The following PTK2 variants were observed in gnomAD, a reference collection of about 807,000 sequenced individuals.
PTK2 encodes protein tyrosine kinase 2, also known as focal adhesion kinase 1.
In PTK2, 45 loss-of-function variants were observed where a neutral mutation model predicts 150.1. The ratio of observed to expected loss-of-function variants is 0.30; its 90% confidence interval spans 0.24 to 0.38. The LOEUF (loss-of-function observed/expected upper bound fraction) is 0.38. Ranked by LOEUF, PTK2 falls within the 10% of genes least tolerant of loss-of-function variation. The pLI, the probability that PTK2 is intolerant of heterozygous loss-of-function variation, is 1.00. For synonymous variants in PTK2, 432 were observed against 449.2 expected (o/e 0.96, Z 0.48); for missense variants, 919 against 1,307.3 (o/e 0.70, Z 4.58).
chr8:140,965,979 A>G (rs752242150), intron 1 of PTK2, among the ~76,000 whole-genome samples: 2 of 152,228 alleles, frequency 1.3e-5, no homozygotes, highest in Non-Finnish European at 2.9e-5. Context: ...TTAAAACCAA[A>G]GTAAAGGTCA....
chr8:140,717,932 AG>A (rs1483353096), intron 22 of PTK2: 3 of 417,348 alleles, frequency 7.2e-6, no homozygotes, highest in African/African-American at 2.0e-5. Context: ...GCACAGCCAT[AG>A]GTAAGAAAAA....
chr8:140,753,439 T>C (rs778165197), intron 16 of PTK2, among the ~76,000 whole-genome samples: 2 of 152,092 alleles, frequency 1.3e-5, no homozygotes, highest in Non-Finnish European at 2.9e-5. Context: ...GTGACTGGCG[T>C]TCAAGAAAGA....
intron 22 of PTK2, among the ~76,000 whole-genome samples, chr8:140,726,092 A>T (rs1420405717): frequency 4.6e-5 from 7 of 152,210 alleles, no homozygotes; most frequent in African/African-American, 1.7e-4. Flanking sequence ...ATATGAAATA[A>T]AATCTCCATT....
At chr8:140,950,450 C>T (rs2100179200) in intron 1 of PTK2, among the ~76,000 whole-genome samples, 1 of 152,252 alleles carries the variant, frequency 6.6e-6, no homozygotes, top group Non-Finnish European at 1.5e-5. Flanking sequence ...TGTGCCAGTG[C>T]CTGGAGCTGC....
intron 1 of PTK2, among the ~76,000 whole-genome samples, chr8:140,955,172 T>C (rs557295379): frequency 6.6e-6 from 1 of 152,206 alleles, no homozygotes; most frequent in African/African-American, 2.4e-5. Flanking sequence ...ACAGATATGG[T>C]TTGGCTGTGT....
rs572606316 is a variant in PTK2, at chr8:140,974,456, G to C, written c.-122+26669C>G. 5.9e-5 allele frequency among the ~76,000 whole-genome samples: 9 copies of C among 152,238 alleles called. No individual in the cohort carries two copies. In the South Asian group the frequency reaches 1.7e-3, roughly 28 times the overall value. On this transcript the variant is annotated intron_variant, in intron 1 of 31. Transcript: ENST00000522684. ...TTCCATGCCCGTCAGTCTCCAGCTC[G>C]CTTTTTATGTACCAAAAATGTGTCT...
chr8:140,744,851 C>T, intron 18 of PTK2, 84 bp from the exon 22 acceptor site: 1 of 677,434 alleles, frequency 1.5e-6, no homozygotes, highest in Non-Finnish European at 2.5e-6. Context: ...AAGCTACATT[C>T]AACAATAATG....
At chr8:140,803,789 C>G in intron 10 of PTK2, 139 bp from the exon 11 acceptor site, 5 of 729,894 alleles carry the variant, frequency 6.9e-6, no homozygotes, top group Non-Finnish European at 1.1e-5. Flanking sequence ...AACAGATTCT[C>G]CATGCTGCCC....
intron 23 of PTK2, among the ~76,000 whole-genome samples, chr8:140,714,346 C>G (rs1487121407): frequency 6.6e-6 from 1 of 151,938 alleles, no homozygotes; most frequent in Non-Finnish European, 1.5e-5. Flanking sequence ...GCCTGAGATC[C>G]TATCTAAATT....
At chr8:140,836,547 A>G (rs1473910167) in intron 7 of PTK2, among the ~76,000 whole-genome samples, 1 of 152,226 alleles carries the variant, frequency 6.6e-6, no homozygotes, top group African/African-American at 2.4e-5. Flanking sequence ...TGAGGCAACC[A>G]TCAATTCCTG....
At chr8:140,828,011 A>T (rs1336413982) in intron 8 of PTK2, among the ~76,000 whole-genome samples, 2 of 151,962 alleles carry the variant, frequency 1.3e-5, no homozygotes, top group Non-Finnish European at 2.9e-5. Context: ...TACTAAAAAT[A>T]AAAAAATTAG....
intron 22 of PTK2, among the ~76,000 whole-genome samples, chr8:140,728,113 T>C (rs1049850849): frequency 7.6e-6 from 1 of 132,082 alleles, no homozygotes; most frequent in Admixed American, 7.9e-5. Flanking sequence ...GCAAGAGAAT[T>C]GCTTGAAGCA....
chr8:140,946,574 G>C, intron 1 of PTK2, among the ~76,000 whole-genome samples: 1 of 152,326 alleles, frequency 6.6e-6, no homozygotes, highest in African/African-American at 2.4e-5. Context: ...CTGGGAAGCA[G>C]ATGGAAGACC....
chr8:140,662,916 A>G lies in PTK2; in HGVS notation c.2946+2001T>C, dbSNP rs143322621. ...TTTGTCAAAAATGTCAATGTCATGA[A>G]AGATAAAAAAAGGCTGAGGAGCTGT... is the stretch of plus-strand genomic sequence containing the variant. On this transcript the variant is annotated intron_variant, in intron 31 of 31. Transcript: ENST00000522684. 4.1e-4 allele frequency: 170 copies of G among 409,642 alleles called. 1 individual carries two copies. Among genetic ancestry groups the G allele is most frequent in the African/African-American group, 2.7e-3 (133 of 49,182 alleles). The allele number at this position is 409,642 out of a possible 1,614,324, so 25.4% of individuals were successfully genotyped here.
At chr8:140,782,499 A>G (rs1323912790) in intron 14 of PTK2, among the ~76,000 whole-genome samples, 1 of 152,140 alleles carries the variant, frequency 6.6e-6, no homozygotes, top group Non-Finnish European at 1.5e-5. Flanking sequence ...TGGCCTTCCA[A>G]AGTGCTAGGA....
At position 140,742,411 on chromosome 8, in the gene PTK2, G is replaced by C. The variant is rs543750994; in HGVS notation, c.1735+819C>G. Among the ~76,000 whole-genome samples the C allele has an allele frequency of 2.6e-5, 4 of 152,222 alleles. No individual in the cohort carries two copies. In the South Asian group the frequency reaches 8.3e-4, roughly 32 times the overall value. ...GAAATGTCCAGACGTGCAACTCCTGGGTCATATAACACTTGTATGCTTAAT... is the reference window on the plus strand; with the variant it reads ...GAAATGTCCAGACGTGCAACTCCTGCGTCATATAACACTTGTATGCTTAAT... On this transcript the variant is annotated intron_variant, in intron 20 of 31. Coordinates refer to ENST00000522684, the Ensembl canonical transcript of PTK2.
At chr8:140,952,586 C>T (rs1003349844) in intron 1 of PTK2, among the ~76,000 whole-genome samples, 1 of 152,178 alleles carries the variant, frequency 6.6e-6, no homozygotes, top group Admixed American at 6.5e-5. Context: ...AATCCTAGGC[C>T]CATACTCCAA....
intron 1 of PTK2, among the ~76,000 whole-genome samples, chr8:140,969,710 C>T (rs1033631485): frequency 6.6e-5 from 10 of 152,200 alleles, no homozygotes; most frequent in African/African-American, 2.4e-4. Flanking sequence ...ATGCTCACCT[C>T]CTAGGCAAGC....
rs112027799 is a variant in PTK2, at chr8:140,998,955, G to A, written c.-122+2170C>T. Among the ~76,000 whole-genome samples, 1,198 of 152,296 alleles carry A rather than the reference G, an allele frequency of 7.9e-3. 6 individuals carry two copies. Among genetic ancestry groups the A allele is most frequent in the Admixed American group, 0.015 (222 of 15,298 alleles). On this transcript the variant is annotated intron_variant, in intron 1 of 31. Transcript: ENST00000522684. ...TGTAATTTCCATCAAGAAGCATGGT[G>A]CTTTTCAGAAAACATTTTAGTATAA...
Sources: gnomAD v4.1 joint callset for allele counts (sites outside exome capture counted in the v4.1 genomes callset) on GRCh38, gnomAD v4.1.1 for gene constraint, MANE v1.5 for transcripts, NCBI Gene and HGNC (gene_info 2026-07-23, HGNC 2026-07-21) for gene names.